DCDC1: variants seen among roughly 807,000 people sequenced by gnomAD.
The protein encoded by DCDC1 is doublecortin domain-containing protein 1.
In DCDC1, 200 loss-of-function variants were observed where a neutral mutation model predicts 178.3. The observed-to-expected ratio is 1.12, with a 90% confidence interval of 1.00 to 1.26. The LOEUF is 1.26. Among genes scored for constraint, DCDC1 ranks in the 50% most tolerant of loss-of-function variants. DCDC1 has a pLI of 0.00. For missense variants in DCDC1, 1,983 were observed against 1,749.2 expected (o/e 1.13, Z -2.38); for synonymous variants, 690 against 604.8 (o/e 1.14, Z -2.07).
intron 20 of DCDC1, among the ~76,000 whole-genome samples, chr11:30,971,598 C>G (rs956800484): frequency 2.1e-5 from 3 of 144,862 alleles, no homozygotes; most frequent in Non-Finnish European, 4.5e-5. Context: ...TAAAAACAGG[C>G]CTTTGTTTTT....
At chr11:31,234,259 T>C (rs1020176279) in intron 9 of DCDC1, among the ~76,000 whole-genome samples, 1 of 152,156 alleles carries the variant, frequency 6.6e-6, no homozygotes, top group Admixed American at 6.6e-5. Context: ...ATTGAGAAAG[T>C]TTTATGAAAG....
intron 9 of DCDC1, among the ~76,000 whole-genome samples, chr11:31,163,023 T>A (rs954007650): frequency 6.6e-6 from 1 of 152,194 alleles, no homozygotes; most frequent in Non-Finnish European, 1.5e-5. Context: ...AACCCTCAAA[T>A]CTAGCACTTC....
intron 9 of DCDC1, among the ~76,000 whole-genome samples, chr11:31,170,884 C>T (rs535047955): frequency 1.1e-4 from 17 of 152,050 alleles, no homozygotes; most frequent in Admixed American, 6.5e-4. Flanking sequence ...GGCTGGAGTG[C>T]AATAGCGTGA....
chr11:31,040,421 T>C (rs948302090), intron 20 of DCDC1, among the ~76,000 whole-genome samples: 7 of 152,150 alleles, frequency 4.6e-5, no homozygotes, highest in African/African-American at 7.2e-5. Flanking sequence ...TTCTAGCAAG[T>C]TGCCAGGAGA....
chr11:31,012,881 T>A (rs902961645), intron 20 of DCDC1, among the ~76,000 whole-genome samples: 3 of 152,094 alleles, frequency 2.0e-5, no homozygotes, highest in African/African-American at 7.2e-5. Flanking sequence ...ATAAAAATAT[T>A]AGTGAATAAT....
chr11:30,923,499 G>T (rs545584662), intron 23 of DCDC1, among the ~76,000 whole-genome samples: 2 of 149,516 alleles, frequency 1.3e-5, no homozygotes, highest in Admixed American at 6.8e-5. Context: ...ATTGAGAAAG[G>T]CTCAGTAAGA....
At chr11:30,868,338 C>T (rs1941201414) in intron 38 of DCDC1, among the ~76,000 whole-genome samples, 1 of 146,634 alleles carries the variant, frequency 6.8e-6, no homozygotes, top group African/African-American at 2.5e-5. Context: ...GCAGCCTCCG[C>T]CTCCCGGGTT....
At chr11:31,096,175 T>C (rs768435187) in intron 15 of DCDC1, among the ~76,000 whole-genome samples, 3 of 152,188 alleles carry the variant, frequency 2.0e-5, no homozygotes, top group Non-Finnish European at 4.4e-5. Context: ...GACTCCTATA[T>C]GTGAAAATGA....
intron 9 of DCDC1, among the ~76,000 whole-genome samples, chr11:31,201,445 G>T (rs1026193868): frequency 6.6e-6 from 1 of 151,848 alleles, no homozygotes; most frequent in Non-Finnish European, 1.5e-5. Context: ...CTTAAAGATA[G>T]CAAGCCTAGA....
intron 9 of DCDC1, among the ~76,000 whole-genome samples, chr11:31,193,662 C>A (rs1313742535): frequency 6.6e-6 from 1 of 152,060 alleles, no homozygotes; most frequent in Non-Finnish European, 1.5e-5. Context: ...AGTCACCAGA[C>A]AAATGCTCCA....
chr11:30,939,548 T>C (rs73465145), intron 21 of DCDC1, among the ~76,000 whole-genome samples: 1 of 152,194 alleles, frequency 6.6e-6, no homozygotes, highest in African/African-American at 2.4e-5. Flanking sequence ...TCCTCACTGG[T>C]TGAGAACTAT....
intron 9 of DCDC1, among the ~76,000 whole-genome samples, chr11:31,194,989 TCTGCCCC>T (rs1970524963): frequency 1.3e-5 from 2 of 152,100 alleles, no homozygotes; most frequent in Admixed American, 1.3e-4. Context: ...CGGACATCTA[TCTGCCCC>T]CTTACCATAC....
At chr11:31,192,244 C>A (rs964355084) in intron 9 of DCDC1, among the ~76,000 whole-genome samples, 1 of 152,072 alleles carries the variant, frequency 6.6e-6, no homozygotes, top group East Asian at 1.9e-4. Context: ...GACTTATCCA[C>A]TCCTGTATTG....
At chr11:31,075,086 T>C (rs377702339) in intron 18 of DCDC1, among the ~76,000 whole-genome samples, 1 of 152,218 alleles carries the variant, frequency 6.6e-6, no homozygotes, top group Non-Finnish European at 1.5e-5. Flanking sequence ...TCTATCATTC[T>C]ACACTCTATG....
At chr11:30,944,117 C>CA (rs1333392030) in intron 21 of DCDC1, 2 of 318,098 alleles carry the variant, frequency 6.3e-6, no homozygotes, top group Non-Finnish European at 1.2e-5. Flanking sequence ...TTCACAGTGA[C>CA]TATATGACTA....
chr11:30,881,135 G>A, intron 37 of DCDC1, 23 bp downstream of exon 37: 1 of 1,611,000 alleles, frequency 6.2e-7, no homozygotes, highest in Non-Finnish European at 8.5e-7. Context: ...AAGACTTGAT[G>A]GAAAAGAAAC....
At chr11:31,198,423 ATAT>A (rs767740483) in intron 9 of DCDC1, among the ~76,000 whole-genome samples, 3 of 152,154 alleles carry the variant, frequency 2.0e-5, no homozygotes, top group East Asian at 3.9e-4. Context: ...AACAATAAAA[ATAT>A]TATGAATTCC....
At chr11:31,008,400 G>A (rs1471625971) in intron 20 of DCDC1, among the ~76,000 whole-genome samples, 2 of 152,076 alleles carry the variant, frequency 1.3e-5, no homozygotes, top group Non-Finnish European at 1.5e-5. Context: ...GGTAGTGAGA[G>A]TCTCTTAAAA....
At chr11:30,936,637 C>A (rs868283529) in intron 21 of DCDC1, among the ~76,000 whole-genome samples, 4 of 152,140 alleles carry the variant, frequency 2.6e-5, no homozygotes, top group African/African-American at 9.7e-5. Context: ...TGGGTTATCA[C>A]CAAACTTCAC....
Sources: allele counts gnomAD v4.1 joint callset (sites outside exome capture counted in the v4.1 genomes callset), GRCh38; gene constraint gnomAD v4.1.1; transcripts MANE v1.5; gene names NCBI Gene and HGNC (gene_info 2026-07-23, HGNC 2026-07-21).